PAM: variants seen among roughly 807,000 people sequenced by gnomAD.
PAM encodes the protein peptidylglycine alpha-amidating monooxygenase, also known as peptidyl-glycine alpha-amidating monooxygenase.
In PAM, 72 loss-of-function variants were observed where a neutral mutation model predicts 122.1. That is an observed-to-expected ratio of 0.59 (90% confidence interval 0.49 to 0.72). The LOEUF (loss-of-function observed/expected upper bound fraction) is 0.72. PAM is among the 30% of genes least tolerant of loss of function. The probability of loss-of-function intolerance (pLI) is 0.00; values close to 1 mark genes in which losing one functional copy is unlikely to be tolerated. For missense variants in PAM, 1,106 were observed against 1,183.7 expected (o/e 0.93, Z 0.96); for synonymous variants, 389 against 404.4 (o/e 0.96, Z 0.46).
chr5:102,811,437 C>G (rs538935300), intron 1 of PAM, among the ~76,000 whole-genome samples: 2 of 152,348 alleles, frequency 1.3e-5, no homozygotes, highest in East Asian at 1.9e-4. Context: ...ACTTTGCCAT[C>G]TCTCTGGTTC....
In PAM at chr5:102,864,181, TA is replaced by T. The variant is rs1427900575; in HGVS notation, c.-373-1641del. Among the ~76,000 whole-genome samples the T allele has an allele frequency of 5.4e-3, 744 of 138,644 alleles. 4 individuals are homozygous for T. The highest frequency in any genetic ancestry group is 0.01 in the Admixed American group (149 of 14,258). 91.0% of individuals were successfully genotyped at this position (138,644 alleles called of 152,430 possible). A position where few individuals can be genotyped will look rare whatever the true frequency, so the allele number is the denominator to read the frequency against. ...CCTTCTTCATATATATATATATATA[TA>T]TATTTTTTTTTTTTTTAAAGAACTT... On this transcript the variant is annotated intron_variant, in intron 1 of 25. Coordinates refer to ENST00000438793, the MANE Select transcript of PAM (RefSeq NM_001177306.2).
chr5:103,004,041 A>G (rs2151019750), intron 17 of PAM, among the ~76,000 whole-genome samples: 1 of 152,260 alleles, frequency 6.6e-6, no homozygotes, highest in East Asian at 1.9e-4. Flanking sequence ...AACCATTGTA[A>G]CTTGACAGCT....
At chr5:102,926,693 A>G (rs1161027896) in intron 7 of PAM, 25 bp downstream of exon 7, 2 of 1,159,778 alleles carry the variant, frequency 1.7e-6, no homozygotes, top group Admixed American at 3.4e-5. Flanking sequence ...GTTGGAACTA[A>G]GCAAAACTTC....
At chr5:102,936,866 A>G (rs946393179) in intron 7 of PAM, among the ~76,000 whole-genome samples, 2 of 152,068 alleles carry the variant, frequency 1.3e-5, no homozygotes, top group African/African-American at 4.8e-5. Context: ...CTGGCGCTCA[A>G]ATTTTCCTAG....
chr5:102,943,159 TA>T (rs1468896545), intron 7 of PAM, among the ~76,000 whole-genome samples: 1 of 152,182 alleles, frequency 6.6e-6, no homozygotes, highest in Non-Finnish European at 1.5e-5. Flanking sequence ...TCTGTCTTTT[TA>T]TTGAAGCAGG....
At chr5:102,763,952 T>G (rs1561378874) in intron 1 of PAM, among the ~76,000 whole-genome samples, 1 of 152,156 alleles carries the variant, frequency 6.6e-6, no homozygotes, top group Non-Finnish European at 1.5e-5. Flanking sequence ...GGGGTGTGCA[T>G]GTCAGTGGGG....
At chr5:102,845,264 G>T (rs1380475147) in intron 1 of PAM, among the ~76,000 whole-genome samples, 1 of 152,208 alleles carries the variant, frequency 6.6e-6, no homozygotes, top group East Asian at 1.9e-4. Flanking sequence ...GAGAGACAAA[G>T]AAAGCGTTGT....
intron 3 of PAM, among the ~76,000 whole-genome samples, chr5:102,885,813 T>C (rs1792889440): frequency 6.6e-6 from 1 of 151,932 alleles, no homozygotes; most frequent in East Asian, 1.9e-4. Context: ...GGCTTCTGAG[T>C]GTAAGGGAAC....
chr5:102,798,618 G>C (rs1763941604), intron 1 of PAM, among the ~76,000 whole-genome samples: 1 of 152,042 alleles, frequency 6.6e-6, no homozygotes. Flanking sequence ...TCTTCACCCA[G>C]CATGGGTTCA....
chr5:102,897,201 C>T (rs2151347560), intron 3 of PAM, among the ~76,000 whole-genome samples: 1 of 151,684 alleles, frequency 6.6e-6, no homozygotes, highest in East Asian at 2.0e-4. Context: ...GTTATTCAAA[C>T]CCTAAATGAG....
At chr5:103,019,769 C>T in intron 22 of PAM, 21 bp from the exon 23 acceptor site, 1 of 1,555,024 alleles carries the variant, frequency 6.4e-7, no homozygotes. Context: ...ACTTTTCTCT[C>T]TCCTTGTTGT....
intron 1 of PAM, among the ~76,000 whole-genome samples, chr5:102,831,870 TC>T (rs1211692448): frequency 6.2e-5 from 6 of 96,494 alleles, no homozygotes; most frequent in Non-Finnish European, 1.3e-4. Flanking sequence ...TAGGAACTAG[TC>T]TTCTCTCTCT....
chr5:102,950,235 C>G (rs1758341320), intron 11 of PAM, among the ~76,000 whole-genome samples: 1 of 152,008 alleles, frequency 6.6e-6, no homozygotes, highest in Non-Finnish European at 1.5e-5. Flanking sequence ...TCAGACAGCT[C>G]TTCTATTATC....
intron 16 of PAM, among the ~76,000 whole-genome samples, chr5:103,001,629 A>C (rs912471969): frequency 2.0e-5 from 3 of 152,116 alleles, no homozygotes; most frequent in Non-Finnish European, 2.9e-5. Context: ...CTTTCAGGAA[A>C]ACTATACCCA....
At chr5:102,908,607 A>G (rs1800390670) in intron 4 of PAM, among the ~76,000 whole-genome samples, 1 of 151,560 alleles carries the variant, frequency 6.6e-6, no homozygotes, top group Non-Finnish European at 1.5e-5. Flanking sequence ...TGGGAGATAT[A>G]CCTAATGCTA....
Position 102,908,087 on chromosome 5 carries a change from A to G in PAM, c.269-5847A>G, listed in dbSNP as rs561637952. Reference sequence around the variant, plus strand: ...AATGATATTGCCTAGGTTTTCTTCTAGGGTTTTTATGGTTTTAGGTCTAAC... The same window carrying G: ...AATGATATTGCCTAGGTTTTCTTCTGGGGTTTTTATGGTTTTAGGTCTAAC... On this transcript the variant is annotated intron_variant, in intron 4 of 25. Transcript: ENST00000438793. Among the ~76,000 whole-genome samples the G allele has an allele frequency of 7.2e-5, 11 of 152,186 alleles. No homozygotes were observed. In the South Asian group the frequency reaches 1.9e-3, roughly 26 times the overall value.
Position 102,974,424 on chromosome 5 carries a change from G to C in PAM, c.1471G>C (p.Glu491Gln). 1.2e-6 allele frequency: 2 copies of C among 1,611,842 alleles called. No individual in the cohort carries two copies. The highest frequency in any genetic ancestry group is 1.7e-6 in the Non-Finnish European group (2 of 1,178,486). ...PPPGEGTWEP[E>Q]HTGDFHMEEA... Reference sequence around the variant, plus strand: ...ACCTGGTGAAGGCACCTGGGAACCAGAACACACAGGAGGTGCGTGTAGGGT... The same window carrying C: ...ACCTGGTGAAGGCACCTGGGAACCACAACACACAGGAGGTGCGTGTAGGGT... Residue 491 changes from glutamate to glutamine, a missense_variant, in exon 15 of 26, where the codon GAA becomes CAA. This residue lies in a region of PAM where 670 missense variants were observed against 690.3 expected (regional missense o/e 0.97). Coordinates refer to ENST00000438793, the MANE Select transcript of PAM (RefSeq NM_001177306.2).
chr5:102,775,331 T>A lies in PAM; in HGVS notation c.-374+19983T>A, dbSNP rs540014525. ...TTTTTGTCTATTTTTAGAACTTTAT[T>A]TTTTTAATTTAATTTAATTTTAAGT... is the stretch of plus-strand genomic sequence containing the variant. On this transcript the variant is annotated intron_variant, in intron 1 of 25. Transcript: ENST00000438793. 2.0e-5 allele frequency among the ~76,000 whole-genome samples: 3 copies of A among 152,188 alleles called. No homozygotes were observed. The South Asian group carries it at 6.2e-4, about 32-fold the overall frequency.
chr5:103,009,045 A>G (rs1405550752), intron 20 of PAM, among the ~76,000 whole-genome samples: 1 of 152,134 alleles, frequency 6.6e-6, no homozygotes, highest in African/African-American at 2.4e-5. Context: ...ATAATTTATT[A>G]TGTTTTAATT....
Sources: gnomAD v4.1 joint callset for allele counts (sites outside exome capture counted in the v4.1 genomes callset) on GRCh38, gnomAD v4.1.1 for gene constraint, gnomAD v4.1.1 regional missense constraint, MANE v1.5 for transcripts, NCBI Gene and HGNC (gene_info 2026-07-23, HGNC 2026-07-21) for gene names.